PPP3CA: variants seen among roughly 807,000 people sequenced by gnomAD.
The protein encoded by PPP3CA is protein phosphatase 3 catalytic subunit alpha.
In PPP3CA, 14 loss-of-function variants were observed where a neutral mutation model predicts 66.5. That is an observed-to-expected ratio of 0.21 (90% CI 0.14 to 0.33). PPP3CA has a LOEUF of 0.33. Among genes scored for constraint, PPP3CA ranks in the 10% least tolerant of loss-of-function variants. The pLI, the probability that PPP3CA is intolerant of heterozygous loss-of-function variation, is 1.00. For synonymous variants in PPP3CA, 232 were observed against 226.2 expected, an observed-to-expected ratio of 1.03 and a Z score of -0.23; for missense variants, 317 against 639.5, an observed-to-expected ratio of 0.50 and a Z score of 5.44.
chr4:101,322,968 T>C (rs1729088945), intron 1 of PPP3CA, among the ~76,000 whole-genome samples: 1 of 152,202 alleles, frequency 6.6e-6, no homozygotes, highest in Admixed American at 6.5e-5. Context: ...TATATGTGTG[T>C]ATATATGTAT....
chr4:101,334,137 AC>A lies in PPP3CA; in HGVS notation c.58+12601del, dbSNP rs1322811977. ...AAGGACATATAGAAAACCAAGTGAC[AC>A]TTTTTTTTTTTTTGAGGCAGAGTTT... is the stretch of plus-strand genomic sequence containing the variant. On this transcript the variant is annotated intron_variant, in intron 1 of 13. Coordinates refer to ENST00000394854, the MANE Select transcript of PPP3CA (RefSeq NM_000944.5). Among the ~76,000 whole-genome samples, 228 of 143,866 alleles carry A rather than the reference AC, an allele frequency of 1.6e-3. 1 individual carries two copies. The highest frequency in any genetic ancestry group is 6.2e-3 in the African/African-American group (216 of 34,772). 94.4% of individuals were successfully genotyped at this position (143,866 alleles called of 152,430 possible). A position where few individuals can be genotyped will look rare whatever the true frequency, so the allele number is the denominator to read the frequency against.
intron 2 of PPP3CA, among the ~76,000 whole-genome samples, chr4:101,113,141 C>G (rs561480142): frequency 2.0e-4 from 30 of 152,234 alleles, no homozygotes; most frequent in Admixed American, 1.1e-3. Flanking sequence ...CAGTGTGCAG[C>G]AAGTCTGGGG....
chr4:101,285,681 C>T (rs1727825543), intron 1 of PPP3CA, among the ~76,000 whole-genome samples: 1 of 143,916 alleles, frequency 6.9e-6, no homozygotes, highest in Admixed American at 7.1e-5. Flanking sequence ...ATGTTGGCTA[C>T]TCCTATCTCA....
At chr4:101,170,701 T>G (rs931751398) in intron 2 of PPP3CA, among the ~76,000 whole-genome samples, 1 of 152,186 alleles carries the variant, frequency 6.6e-6, no homozygotes, top group African/African-American at 2.4e-5. Context: ...TGGATTTTAC[T>G]AAGAAAAGTA....
intron 2 of PPP3CA, among the ~76,000 whole-genome samples, chr4:101,111,313 G>C (rs949888304): frequency 6.6e-6 from 1 of 152,162 alleles, no homozygotes; most frequent in Non-Finnish European, 1.5e-5. Context: ...ACATTTCCTT[G>C]CAACGAATTT....
At chr4:101,234,931 C>A (rs1291392221) in intron 1 of PPP3CA, among the ~76,000 whole-genome samples, 2 of 151,600 alleles carry the variant, frequency 1.3e-5, no homozygotes, top group African/African-American at 2.4e-5. Context: ...AGGGCTAATA[C>A]AATTAGAAGA....
At chr4:101,125,002 T>C (rs187149623) in intron 2 of PPP3CA, among the ~76,000 whole-genome samples, 2 of 152,346 alleles carry the variant, frequency 1.3e-5, no homozygotes, top group Non-Finnish European at 2.9e-5. Context: ...TTTGTAAATA[T>C]AATGTACTTC....
intron 1 of PPP3CA, among the ~76,000 whole-genome samples, chr4:101,218,069 C>T (rs1052189101): frequency 7.9e-5 from 12 of 152,040 alleles, no homozygotes; most frequent in African/African-American, 2.7e-4. Context: ...GATGAACTAC[C>T]TGTCTTGGAA....
chr4:101,196,175 T>A, intron 1 of PPP3CA, 59 bp from the exon 2 acceptor site: 1 of 1,467,930 alleles, frequency 6.8e-7, no homozygotes, highest in Non-Finnish European at 9.4e-7. Flanking sequence ...AACAATGCAA[T>A]AATAACCACC....
chr4:101,066,626 A>T (rs1163991691), intron 8 of PPP3CA, among the ~76,000 whole-genome samples: 1 of 152,142 alleles, frequency 6.6e-6, no homozygotes, highest in Non-Finnish European at 1.5e-5. Context: ...ACCTTACATT[A>T]GTAAGTTACT....
intron 1 of PPP3CA, among the ~76,000 whole-genome samples, chr4:101,318,940 C>G (rs1728959265): frequency 6.6e-6 from 1 of 152,002 alleles, no homozygotes; most frequent in Non-Finnish European, 1.5e-5. Context: ...TTCTTTCAAA[C>G]TCTCTATATT....
At chr4:101,030,724 T>A (rs1484584243) in intron 12 of PPP3CA, among the ~76,000 whole-genome samples, 1 of 152,160 alleles carries the variant, frequency 6.6e-6, no homozygotes, top group East Asian at 1.9e-4. Context: ...AGCACTGACA[T>A]ATTAGAACTA....
At chr4:101,144,309 A>G (rs1312787769) in intron 2 of PPP3CA, among the ~76,000 whole-genome samples, 1 of 152,206 alleles carries the variant, frequency 6.6e-6, no homozygotes, top group Non-Finnish European at 1.5e-5. Flanking sequence ...TAAAGTACTT[A>G]TCCTTAGCAT....
At chr4:101,059,779 T>C (rs1560582412) in intron 10 of PPP3CA, among the ~76,000 whole-genome samples, 1 of 152,150 alleles carries the variant, frequency 6.6e-6, no homozygotes, top group Non-Finnish European at 1.5e-5. Context: ...ATTGATATTA[T>C]TAGTTTATGC....
chr4:101,222,632 G>A (rs1477274630), intron 1 of PPP3CA, among the ~76,000 whole-genome samples: 1 of 151,440 alleles, frequency 6.6e-6, no homozygotes, highest in Non-Finnish European at 1.5e-5. Context: ...CTATTGGCAG[G>A]TATCCAGGAA....
chr4:101,099,369 A>C (rs373267930), intron 4 of PPP3CA, among the ~76,000 whole-genome samples: 3 of 152,146 alleles, frequency 2.0e-5, no homozygotes, highest in East Asian at 1.9e-4. Flanking sequence ...GTTTCTTAGG[A>C]TAAATTACAT....
intron 2 of PPP3CA, among the ~76,000 whole-genome samples, chr4:101,128,847 C>T (rs1223807770): frequency 2.0e-5 from 3 of 152,072 alleles, no homozygotes; most frequent in Non-Finnish European, 2.9e-5. Context: ...AAGCTAGCTG[C>T]AGGAGTTTTT....
Position 101,208,936 on chromosome 4 carries a change from C to T in PPP3CA, c.59-12820G>A, listed in dbSNP as rs1015134018. Among the ~76,000 whole-genome samples, 5 of 152,028 alleles carry T rather than the reference C, an allele frequency of 3.3e-5. No homozygotes were observed. The East Asian group carries it at 7.7e-4, about 23-fold the overall frequency. ...ATATGTAGGGTACATGCATTCATTA[C>T]ATATCGGAGGAAGAAAAATCTCACA... On this transcript the variant is annotated intron_variant, in intron 1 of 13. Coordinates refer to ENST00000394854, the MANE Select transcript of PPP3CA (RefSeq NM_000944.5).
At chr4:101,289,870 ATGTGTGTGTGTGTGTGTG>A (rs72004461) in intron 1 of PPP3CA, among the ~76,000 whole-genome samples, 2 of 141,726 alleles carry the variant, frequency 1.4e-5, no homozygotes, top group Non-Finnish European at 3.1e-5. Flanking sequence ...ATGTCCGTGT[ATGTGTGTGTGTGTGTGTG>A]TGTGTGTGTG....
Sources: gnomAD v4.1 joint callset for allele counts (sites outside exome capture counted in the v4.1 genomes callset) on GRCh38, gnomAD v4.1.1 for gene constraint, MANE v1.5 for transcripts, NCBI Gene and HGNC (gene_info 2026-07-23, HGNC 2026-07-21) for gene names.